Variants in PARP8 observed in about 807,000 individuals in gnomAD.
PARP8 encodes the protein poly(ADP-ribose) polymerase family member 8.
A neutral mutation model predicts 124.1 loss-of-function variants in PARP8; 51 were observed. The observed-to-expected ratio is 0.41, with a 90% CI of 0.33 to 0.52. PARP8 has a LOEUF of 0.52. Among genes scored for constraint, PARP8 ranks in the 20% least tolerant of loss-of-function variants. PARP8 has a pLI of 0.21. For synonymous variants in PARP8, 391 were observed against 361.5 expected (o/e 1.08, Z -0.93); for missense variants, 860 against 1,018.9 (o/e 0.84, Z 2.12).
chr5:50,712,900 T>A (rs1346050965), intron 2 of PARP8, among the ~76,000 whole-genome samples: 1 of 149,086 alleles, frequency 6.7e-6, no homozygotes, highest in Non-Finnish European at 1.5e-5. Flanking sequence ...GTTTAGGAGA[T>A]TTTTTTTTTA....
chr5:50,826,637 A>C (rs1010328857), intron 18 of PARP8, 118 bp from the exon 19 acceptor site: 2 of 1,258,268 alleles, frequency 1.6e-6, no homozygotes, highest in African/African-American at 3.2e-5. Context: ...AAATGAAATT[A>C]TTTCCAAGTT....
intron 2 of PARP8, among the ~76,000 whole-genome samples, chr5:50,675,953 A>C (rs913011684): frequency 3.9e-5 from 6 of 152,222 alleles, no homozygotes; most frequent in African/African-American, 1.4e-4. Flanking sequence ...ATGACTAGTA[A>C]TATTCCTACA....
chr5:50,789,180 T>C (rs1741656497), intron 10 of PARP8, among the ~76,000 whole-genome samples: 1 of 152,214 alleles, frequency 6.6e-6, no homozygotes, highest in African/African-American at 2.4e-5. Flanking sequence ...AAACACTTTA[T>C]TTCCTGTGTG....
At chr5:50,827,535 T>A (rs762513941) in intron 19 of PARP8, among the ~76,000 whole-genome samples, 3 of 152,184 alleles carry the variant, frequency 2.0e-5, no homozygotes, top group Admixed American at 2.0e-4. Context: ...TATAAACTTT[T>A]CTTTTCTGCT....
At chr5:50,824,875 G>A in intron 17 of PARP8, 33 bp from the exon 18 acceptor site, 2 of 1,570,720 alleles carry the variant, frequency 1.3e-6, no homozygotes, top group East Asian at 4.5e-5. Flanking sequence ...GAATTTTTAT[G>A]AAAAATCAAG....
At chr5:50,777,959 A>G (rs1740222465) in intron 7 of PARP8, 110 bp from the exon 8 acceptor site, 1 of 794,162 alleles carries the variant, frequency 1.3e-6, no homozygotes, top group Non-Finnish European at 2.1e-6. Context: ...CTATTTGTCA[A>G]AATCAAGGAT....
chr5:50,704,642 T>C (rs570809860), intron 2 of PARP8, among the ~76,000 whole-genome samples: 92 of 152,264 alleles, frequency 6.0e-4, no homozygotes, highest in African/African-American at 2.2e-3. Context: ...CTTAGTGTAA[T>C]AAAAAGAATG....
chr5:50,761,952 T>A, intron 6 of PARP8, 54 bp downstream of exon 6: 1 of 1,178,112 alleles, frequency 8.5e-7, no homozygotes, highest in Non-Finnish European at 1.3e-6. Flanking sequence ...ATAGCCATGT[T>A]GTCCTAGTGG....
chr5:50,838,700 A>G (rs1747850015), intron 25 of PARP8, among the ~76,000 whole-genome samples: 1 of 152,060 alleles, frequency 6.6e-6, no homozygotes, highest in African/African-American at 2.4e-5. Flanking sequence ...TCCAACATAT[A>G]GAGTCGCTTC....
At chr5:50,709,141 C>T (rs1415202083) in intron 2 of PARP8, among the ~76,000 whole-genome samples, 1 of 152,010 alleles carries the variant, frequency 6.6e-6, no homozygotes, top group Non-Finnish European at 1.5e-5. Context: ...TCCTTCTACT[C>T]CTTTTTTGGG....
At chr5:50,706,236 T>A (rs1339651698) in intron 2 of PARP8, among the ~76,000 whole-genome samples, 2 of 152,140 alleles carry the variant, frequency 1.3e-5, no homozygotes, top group Admixed American at 6.6e-5. Context: ...TTTTTTCAGT[T>A]TATTGAAAGT....
At chr5:50,780,259 C>A (rs1384263202) in intron 9 of PARP8, among the ~76,000 whole-genome samples, 1 of 152,118 alleles carries the variant, frequency 6.6e-6, no homozygotes, top group East Asian at 1.9e-4. Context: ...TGCTCCTTCC[C>A]CACATATTCT....
At chr5:50,752,444 A>G (rs751008414) in intron 3 of PARP8, among the ~76,000 whole-genome samples, 1 of 151,986 alleles carries the variant, frequency 6.6e-6, no homozygotes, top group Admixed American at 6.6e-5. Flanking sequence ...TAGTCATTTT[A>G]AAATATGTCT....
chr5:50,710,972 T>A (rs1754712972), intron 2 of PARP8, among the ~76,000 whole-genome samples: 1 of 152,146 alleles, frequency 6.6e-6, no homozygotes. Context: ...CACATATACA[T>A]ATGTGCCTGT....
Position 50,763,255 on chromosome 5 carries a change from C to T in PARP8, c.518+13C>T. 2 of 1,557,490 alleles carry T rather than the reference C, an allele frequency of 1.3e-6. No homozygotes were observed. The highest frequency in any genetic ancestry group is 1.1e-5 in the South Asian group (1 of 89,576). ...CAGTTTCTCTCAGGTAAATAAGTAT[C>T]ACTGGTGAATAAAATTAAAGTTTTA... is the stretch of plus-strand genomic sequence containing the variant. On this transcript the variant is annotated intron_variant, in intron 7 of 25. Transcript: ENST00000281631.
At chr5:50,691,569 C>T (rs570351254) in intron 2 of PARP8, among the ~76,000 whole-genome samples, 7 of 152,170 alleles carry the variant, frequency 4.6e-5, no homozygotes, top group African/African-American at 1.4e-4. Flanking sequence ...CATCTTTACC[C>T]ACTCCATACA....
chr5:50,773,260 C>T (rs1761808357), intron 7 of PARP8, among the ~76,000 whole-genome samples: 1 of 152,194 alleles, frequency 6.6e-6, no homozygotes, highest in Non-Finnish European at 1.5e-5. Flanking sequence ...CAGACAAATG[C>T]CATGAAGCAT....
At chr5:50,708,550 C>A (rs941003697) in intron 2 of PARP8, among the ~76,000 whole-genome samples, 7 of 152,120 alleles carry the variant, frequency 4.6e-5, no homozygotes, top group African/African-American at 1.7e-4. Flanking sequence ...TGCTCAATAT[C>A]CTACTACTGT....
intron 2 of PARP8, among the ~76,000 whole-genome samples, chr5:50,706,173 C>G (rs1379634396): frequency 6.6e-6 from 1 of 152,098 alleles, no homozygotes; most frequent in African/African-American, 2.4e-5. Context: ...TATGTTAAAT[C>G]ATATCCCATT....
Sources: allele counts gnomAD v4.1 joint callset (sites outside exome capture counted in the v4.1 genomes callset), GRCh38; gene constraint gnomAD v4.1.1; transcripts MANE v1.5; gene names NCBI Gene and HGNC (gene_info 2026-07-23, HGNC 2026-07-21).